The following ITFG2 variants were observed in gnomAD, a reference collection of about 807,000 sequenced individuals.
ITFG2 encodes the protein KICSTOR complex protein ITFG2.
ITFG2 carries 36 observed loss-of-function variants against 54.4 expected under a neutral mutation model. The ratio of observed to expected loss-of-function variants is 0.66; its 90% CI spans 0.51 to 0.87. ITFG2 has a LOEUF of 0.87. Among genes scored for constraint, ITFG2 ranks in the 40% least tolerant of loss-of-function variants. The pLI is 0.00. For missense variants in ITFG2, 524 were observed against 576.7 expected (o/e 0.91, Z 0.94); for synonymous variants, 211 against 225.4 (o/e 0.94, Z 0.57).
downstream of ITFG2, among the ~76,000 whole-genome samples, chr12:2,831,303 G>T (rs1371167799): frequency 6.6e-6 from 1 of 151,826 alleles, no homozygotes; most frequent in East Asian, 1.9e-4. Flanking sequence ...CAAGAACTAG[G>T]CCAGGCGTGG....
chr12:2,818,212 A>G lies in ITFG2; in HGVS notation c.341A>G (p.Glu114Gly), dbSNP rs754618933. The G allele has an allele frequency of 1.9e-5, 30 of 1,613,996 alleles. No individual in the cohort carries two copies. In the East Asian group the frequency reaches 6.5e-4, roughly 35 times the overall value. Reference sequence around the variant, plus strand: ...CACCACGAGACACTAATCGGAGAGGAGCAGCGTCCAGTCTTCAAGCAGCAC... The same window carrying G: ...CACCACGAGACACTAATCGGAGAGGGGCAGCGTCCAGTCTTCAAGCAGCAC... ...SGHHETLIGE[E>G]QRPVFKQHIP... Residue 114 changes from glutamate to glycine, a missense_variant, in exon 4 of 12, where the codon GAG becomes GGG. Glu to Gly is a moderately conservative substitution (Grantham distance 98). Transcript: ENST00000228799.
At chr12:2,828,944 T>C (rs959409070), downstream of ITFG2, among the ~76,000 whole-genome samples, 8 of 152,036 alleles carry the variant, frequency 5.3e-5, no homozygotes, top group African/African-American at 1.9e-4. Flanking sequence ...CGGTGGCTCA[T>C]GCTTGTAGTT....
chr12:2,841,368 T>A lies in ITFG2; in HGVS notation n.300+373T>A, dbSNP rs370914894. Among the ~76,000 whole-genome samples, 207 of 152,294 alleles carry A rather than the reference T, an allele frequency of 1.4e-3. 5 individuals carry two copies. The South Asian group carries it at 0.042, about 31-fold the overall frequency. On this transcript the variant is annotated intron_variant and non_coding_transcript_variant, in intron 2 of 3. Transcript: ENST00000537710. The stretch of plus-strand genomic sequence containing the variant: ...GAGGGCTCTGGTGTTTTTGTATTTC[T>A]AGCAATGATGAAGGGGCAGAGAAGG...
At chr12:2,834,476 C>G (rs7301350), upstream of ITFG2, among the ~76,000 whole-genome samples, 1 of 152,130 alleles carries the variant, frequency 6.6e-6, no homozygotes, top group African/African-American at 2.4e-5. Flanking sequence ...TGGGAACATC[C>G]CCGGTGAAGA....
At chr12:2,822,708 G>T in intron 9 of ITFG2, 86 bp from the exon 10 acceptor site, 1 of 1,162,228 alleles carries the variant, frequency 8.6e-7, no homozygotes, top group South Asian at 1.3e-5. Context: ...GAACCCACGG[G>T]TGAAATTCCT....
At position 2,845,544 on chromosome 12, in the gene ITFG2, G is replaced by A. The variant is rs937517980; in HGVS notation, n.300+4549G>A. ...GTGGAGGGAGGGGAGTTTTTGGCCC[G>A]GAAATGGCTGGGAAGACTTCCTTTG... On this transcript the variant is annotated intron_variant and non_coding_transcript_variant, in intron 2 of 3. Coordinates refer to the ITFG2 transcript ENST00000537710. This position sits in a 1 kb window ranked among gnomAD's most constrained non-coding sequence, Gnocchi z 4.2. Among the ~76,000 whole-genome samples, 5 of 152,144 alleles carry A rather than the reference G, an allele frequency of 3.3e-5. No homozygotes were observed. Among genetic ancestry groups the A allele is most frequent in the Non-Finnish European group, 5.9e-5 (4 of 68,022 alleles).
chr12:2,820,661 G>A (rs1289471649), intron 5 of ITFG2, 63 bp from the exon 6 acceptor site: 20 of 339,962 alleles, frequency 5.9e-5, no homozygotes, highest in Middle Eastern at 1.2e-3. Context: ...GCCCCCTGCC[G>A]TTCTCTGCAG....
chr12:2,819,772 T>C (rs1002092776), intron 4 of ITFG2: 49 of 212,424 alleles, frequency 2.3e-4, no homozygotes, highest in African/African-American at 1.1e-3. Context: ...AAAAAAAAAG[T>C]GGCAAGCAAG....
At chr12:2,850,089 C>A (rs1415258502) in intron 2 of ITFG2, among the ~76,000 whole-genome samples, 1 of 152,128 alleles carries the variant, frequency 6.6e-6, no homozygotes, top group Non-Finnish European at 1.5e-5. Flanking sequence ...ATTACAATCA[C>A]CCTGGGAGCT....
At chr12:2,834,882 C>T (rs756433188), upstream of ITFG2, 40 of 1,613,718 alleles carry the variant, frequency 2.5e-5, no homozygotes, top group South Asian at 1.6e-4. Flanking sequence ...GGGGCGTCAC[C>T]GAGTCCTCTC....
intron 2 of ITFG2, among the ~76,000 whole-genome samples, chr12:2,847,434 G>A (rs1325660393): frequency 6.6e-6 from 1 of 151,928 alleles, no homozygotes; most frequent in Non-Finnish European, 1.5e-5. Flanking sequence ...TTGGGAGGCC[G>A]AGGTGGGCGG....
chr12:2,843,160 A>G (rs1256384227), intron 2 of ITFG2, among the ~76,000 whole-genome samples: 2 of 152,216 alleles, frequency 1.3e-5, no homozygotes, highest in Non-Finnish European at 2.9e-5. Context: ...GAGCTAGACA[A>G]ACAGCTCTCT....
At chr12:2,829,408 A>C (rs1351772480), downstream of ITFG2, among the ~76,000 whole-genome samples, 1 of 152,218 alleles carries the variant, frequency 6.6e-6, no homozygotes, top group South Asian at 2.1e-4. Context: ...AATGAATGCT[A>C]TTCTTCAGGA....
At chr12:2,838,600 A>T (rs2098033954) in intron 1 of ITFG2, among the ~76,000 whole-genome samples, 1 of 152,144 alleles carries the variant, frequency 6.6e-6, no homozygotes, top group Non-Finnish European at 1.5e-5. Flanking sequence ...CCTGGAAACC[A>T]CTTGTGCTCC....
intron 1 of ITFG2, among the ~76,000 whole-genome samples, chr12:2,813,959 A>G (rs182364081): frequency 1.3e-5 from 2 of 152,216 alleles, no homozygotes; most frequent in Admixed American, 6.5e-5. Context: ...TTTGTTTTTT[A>G]TAGAGACAGG....
chr12:2,820,583 C>G lies in ITFG2; in HGVS notation c.547-141C>G. 7.9e-6 allele frequency: 6 copies of G among 764,320 alleles called. No individual in the cohort carries two copies. In the South Asian group the frequency reaches 1.1e-4, roughly 13 times the overall value. The allele number at this position is 764,320 out of a possible 1,614,324, so 47.3% of individuals were successfully genotyped here. A position where few individuals can be genotyped will look rare whatever the true frequency, so the allele number is the denominator to read the frequency against. On this transcript the variant is annotated intron_variant, in intron 5 of 11. Coordinates refer to ENST00000228799, the MANE Select transcript of ITFG2 (RefSeq NM_018463.4). ...TCGAAATCCTTCCTCCTGCTGCTAC[C>G]CTTGAAGCCCAGAGGGCTGTTCCCA...
Position 2,818,179 on chromosome 12 carries a change from C to T in ITFG2, c.308C>T (p.Ala103Val), listed in dbSNP as rs1285248991. 1 of 1,614,120 alleles carries T rather than the reference C, an allele frequency of 6.2e-7. No individual in the cohort carries two copies. Among genetic ancestry groups the T allele is most frequent in the Non-Finnish European group, 8.5e-7 (1 of 1,180,036 alleles). Residue 103 changes from alanine (A) to valine (V), a missense_variant, in exon 4 of 12, where the codon GCT becomes GTT. Ala to Val is a moderately conservative substitution (Grantham distance 64). Coordinates refer to ENST00000228799, the MANE Select transcript of ITFG2 (RefSeq NM_018463.4). ...FDLTPAKVLD[A>V]SGHHETLIGE... ...CTGACACCTGCCAAGGTGTTGGATG[C>T]TTCTGGGCACCACGAGACACTAATC...
intron 5 of ITFG2, 64 bp from the exon 6 acceptor site, chr12:2,820,660 C>CCCCCGGGGAA: frequency 8.1e-7 from 1 of 1,227,974 alleles, no homozygotes; most frequent in Non-Finnish European, 1.2e-6. Context: ...CGCCCCCTGC[C>CCCCCGGGGAA]GTTCTCTGCA....
At chr12:2,815,922 T>TGGTACGATCATGGCTCACTGCAGC in intron 1 of ITFG2, among the ~76,000 whole-genome samples, 1 of 152,276 alleles carries the variant, frequency 6.6e-6, no homozygotes, top group Admixed American at 6.5e-5. Context: ...TGGACTGCAA[T>TGGTACGATCATGGCTCACTGCAGC]GGCACGATCA....
Sources: gnomAD v4.1 joint callset for allele counts (sites outside exome capture counted in the v4.1 genomes callset) on GRCh38, gnomAD v4.1.1 for gene constraint, Gnocchi (gnomAD v3.1) non-coding constraint, MANE v1.5 for transcripts, NCBI Gene and HGNC (gene_info 2026-07-23, HGNC 2026-07-21) for gene names.